Variants in CUX2 observed in about 807,000 individuals in gnomAD.
CUX2 encodes the protein cut like homeobox 2, also known as homeobox protein cut-like 2.
In CUX2, 40 loss-of-function variants were observed where a neutral mutation model predicts 144.8. The observed-to-expected ratio is 0.28, with a 90% CI of 0.21 to 0.36. The LOEUF (loss-of-function observed/expected upper bound fraction) is 0.36, where lower values mean the gene tolerates loss of function less well. Among genes scored for constraint, CUX2 ranks in the 10% least tolerant of loss-of-function variants. The pLI is 1.00. For missense variants in CUX2, 1,615 were observed against 1,994.0 expected, an observed-to-expected ratio of 0.81 and a Z score of 3.62; for synonymous variants, 827 against 875.6, an observed-to-expected ratio of 0.94 and a Z score of 0.98.
intron 3 of CUX2, among the ~76,000 whole-genome samples, chr12:111,227,047 C>T (rs779223843): frequency 3.9e-5 from 6 of 152,150 alleles, no homozygotes; most frequent in Non-Finnish European, 8.8e-5. Flanking sequence ...TGGAAGCTAC[C>T]GCAACAGCCC....
At chr12:111,172,457 A>T (rs973464379) in intron 1 of CUX2, among the ~76,000 whole-genome samples, 4 of 152,226 alleles carry the variant, frequency 2.6e-5, no homozygotes, top group Non-Finnish European at 5.9e-5. Context: ...TTGATTAAAG[A>T]TGATGCAGTA....
intron 3 of CUX2, among the ~76,000 whole-genome samples, chr12:111,228,762 A>G (rs550825316): frequency 6.6e-6 from 1 of 152,244 alleles, no homozygotes; most frequent in South Asian, 2.1e-4. Flanking sequence ...GTTGAAAAAA[A>G]AATTCTGTGT....
At chr12:111,266,723 A>G (rs1884409517) in intron 4 of CUX2, among the ~76,000 whole-genome samples, 2 of 152,192 alleles carry the variant, frequency 1.3e-5, no homozygotes, top group Non-Finnish European at 2.9e-5. Flanking sequence ...TGTTGTTTTC[A>G]GCCCCCAGTT....
At chr12:111,292,508 T>TG (rs1314180028) in intron 5 of CUX2, among the ~76,000 whole-genome samples, 1 of 152,182 alleles carries the variant, frequency 6.6e-6, no homozygotes, top group Admixed American at 6.5e-5. Context: ...GAGAATTGCC[T>TG]GAACCTGGGA....
intron 3 of CUX2, among the ~76,000 whole-genome samples, chr12:111,249,264 C>T (rs543706698): frequency 3.3e-5 from 5 of 152,224 alleles, no homozygotes; most frequent in South Asian, 4.1e-4. Context: ...ACTTTGCACA[C>T]GTTTCCCCAC....
chr12:111,296,457 C>A lies in CUX2; in HGVS notation c.638-16C>A. ...ACTCGGAGGTGGGGCCTCACCCTGC[C>A]TCTGCTTTCTCCCAGCGCTAAAGGC... On this transcript the variant is annotated splice_polypyrimidine_tract_variant and intron_variant, in intron 7 of 21. Coordinates refer to ENST00000261726, the MANE Select transcript of CUX2 (RefSeq NM_015267.4). 6.3e-7 allele frequency: 1 copy of A among 1,598,684 alleles called. No homozygotes were observed. Among genetic ancestry groups the A allele is most frequent in the Non-Finnish European group, 8.5e-7 (1 of 1,171,684 alleles).
At chr12:111,280,582 T>C (rs1446853910) in intron 4 of CUX2, among the ~76,000 whole-genome samples, 1 of 152,184 alleles carries the variant, frequency 6.6e-6, no homozygotes, top group Admixed American at 6.5e-5. Flanking sequence ...AGCTGCGGAA[T>C]CCAGAAGCCC....
chr12:111,264,637 C>T (rs112882960), intron 4 of CUX2, among the ~76,000 whole-genome samples: 4,332 of 152,038 alleles, frequency 0.028, 81 homozygotes, highest in Middle Eastern at 0.048. Context: ...CGCAGCTGCT[C>T]GGGAGGCTGA....
At position 111,347,703 on chromosome 12, in the gene CUX2, G is replaced by A; in HGVS notation, c.3839G>A (p.Gly1280Asp). Residue 1280 changes from glycine to aspartate, a missense_variant, in exon 22 of 22, where the codon GGC (glycine) becomes GAC (aspartate). By Grantham distance (94) the Gly-to-Asp change is moderately conservative. This residue lies in a region of CUX2 where 298 missense variants were observed against 330.4 expected (regional missense o/e 0.90). Transcript: ENST00000261726. ...PTVKELELQEGPEENSTPLTT... is the reference protein window; with the variant it reads ...PTVKELELQEDPEENSTPLTT... The stretch of plus-strand genomic sequence containing the variant: ...GTGAAGGAACTGGAGCTTCAGGAGG[G>A]CCCTGAGGAGAACAGCACACCCCTG... 1 of 1,613,908 alleles carries A rather than the reference G, an allele frequency of 6.2e-7. No homozygotes were observed. Among genetic ancestry groups the A allele is most frequent in the Non-Finnish European group, 8.5e-7 (1 of 1,179,978 alleles).
At chr12:111,326,972 C>T (rs1887850883) in intron 18 of CUX2, among the ~76,000 whole-genome samples, 1 of 152,140 alleles carries the variant, frequency 6.6e-6, no homozygotes, top group South Asian at 2.1e-4. Flanking sequence ...TTGAAGTATA[C>T]AATTCAGTGG....
intron 1 of CUX2, among the ~76,000 whole-genome samples, chr12:111,123,341 C>T (rs1429479814): frequency 1.3e-5 from 2 of 152,158 alleles, no homozygotes; most frequent in African/African-American, 4.8e-5. Flanking sequence ...CACCACCACG[C>T]CCAGCTAATT....
chr12:111,087,269 G>A (rs954599340), intron 1 of CUX2, among the ~76,000 whole-genome samples: 14 of 149,372 alleles, frequency 9.4e-5, no homozygotes, highest in Non-Finnish European at 1.9e-4. Flanking sequence ...TCGGAAGGCT[G>A]AGGCAGGAGA....
chr12:111,222,561 G>C (rs779116214), intron 3 of CUX2, among the ~76,000 whole-genome samples: 2 of 152,162 alleles, frequency 1.3e-5, no homozygotes, highest in Non-Finnish European at 2.9e-5. Context: ...GGCTGACCTG[G>C]CCTCTGACAC....
At chr12:111,274,851 G>C (rs539387024) in intron 4 of CUX2, among the ~76,000 whole-genome samples, 1 of 151,912 alleles carries the variant, frequency 6.6e-6, no homozygotes, top group Admixed American at 6.6e-5. Context: ...AGCCTTTCCG[G>C]CTCTGTGTTT....
chr12:111,242,430 G>A (rs555593814), intron 3 of CUX2, among the ~76,000 whole-genome samples: 13 of 152,316 alleles, frequency 8.5e-5, no homozygotes, highest in African/African-American at 2.9e-4. Flanking sequence ...CAGAGTTGAG[G>A]AGTTGCAACA....
chr12:111,324,779 C>T (rs1218743545), intron 18 of CUX2, among the ~76,000 whole-genome samples: 3 of 151,934 alleles, frequency 2.0e-5, no homozygotes, highest in Non-Finnish European at 2.9e-5. Context: ...GGATTACAGG[C>T]GTGAGCCACA....
intron 21 of CUX2, among the ~76,000 whole-genome samples, chr12:111,344,810 A>C (rs1486820558): frequency 1.3e-5 from 2 of 152,198 alleles, no homozygotes; most frequent in Non-Finnish European, 2.9e-5. Context: ...GAGCCTTGAG[A>C]CCATGCCAGT....
In CUX2 at chr12:111,214,214, C is replaced by T. The variant is rs778761089; in HGVS notation, c.78C>T (p.Ser26=). 5.7e-5 allele frequency: 87 copies of T among 1,539,458 alleles called. 1 individual carries two copies. The South Asian group carries it at 6.4e-4, about 11-fold the overall frequency. Residue 26 remains serine, a synonymous_variant, in exon 2 of 22, where the codon TCC becomes TCT. Coordinates refer to ENST00000261726, the MANE Select transcript of CUX2 (RefSeq NM_015267.4). ...DLRRLQKELN[S]VASELSARQE... ...TATTGTTCCAGAAGGAGCTTAATTCCGTCGCTTCTGAGCTGTCTGCACGGC... is the reference window on the plus strand; with the variant it reads ...TATTGTTCCAGAAGGAGCTTAATTCTGTCGCTTCTGAGCTGTCTGCACGGC...
chr12:111,106,859 G>T (rs939846143), intron 1 of CUX2, among the ~76,000 whole-genome samples: 3 of 152,324 alleles, frequency 2.0e-5, no homozygotes, highest in African/African-American at 7.2e-5. Context: ...GCCGGGAGAG[G>T]AAAGAAGGAC....
Sources: gnomAD v4.1 joint callset for allele counts (sites outside exome capture counted in the v4.1 genomes callset) on GRCh38, gnomAD v4.1.1 for gene constraint, gnomAD v4.1.1 regional missense constraint, MANE v1.5 for transcripts, NCBI Gene and HGNC (gene_info 2026-07-23, HGNC 2026-07-21) for gene names.